Variants in POLR1D observed in about 807,000 individuals in gnomAD.
The protein encoded by POLR1D is RNA polymerase I and III subunit D, also known as DNA-directed RNA polymerases I and III subunit RPAC2.
In POLR1D, 8 loss-of-function variants were observed where a neutral mutation model predicts 10.8. The ratio of observed to expected loss-of-function variants is 0.74; its 90% confidence interval spans 0.43 to 1.33. POLR1D has a LOEUF of 1.33. Ranked by LOEUF, POLR1D falls within the 40% of genes most tolerant of loss-of-function variation. POLR1D has a pLI of 0.01. For synonymous variants in POLR1D, 54 were observed against 57.2 expected (o/e 0.94, Z 0.25); for missense variants, 152 against 161.7 (o/e 0.94, Z 0.32).
At chr13:27,649,255 G>A (rs1265925601) in intron 2 of POLR1D, among the ~76,000 whole-genome samples, 8 of 152,166 alleles carry the variant, frequency 5.3e-5, no homozygotes, top group Admixed American at 4.6e-4. Flanking sequence ...AGCTCATTTT[G>A]TAATTTTGAC....
At chr13:27,651,909 C>T (rs749323247) in intron 2 of POLR1D, among the ~76,000 whole-genome samples, 15 of 152,170 alleles carry the variant, frequency 9.9e-5, no homozygotes, top group Non-Finnish European at 1.9e-4. Context: ...CAGCATGGTT[C>T]CTGGCATGTA....
chr13:27,634,779 A>T (rs1381886195), intron 1 of POLR1D, among the ~76,000 whole-genome samples: 2 of 150,516 alleles, frequency 1.3e-5, no homozygotes, highest in African/African-American at 4.9e-5. Flanking sequence ...GGGCTCAAGC[A>T]GTCCTCCCAC....
At chr13:27,649,704 GA>G (rs1338845613) in intron 2 of POLR1D, among the ~76,000 whole-genome samples, 5 of 152,184 alleles carry the variant, frequency 3.3e-5, no homozygotes, top group Non-Finnish European at 5.9e-5. Flanking sequence ...GAGGGAGAGA[GA>G]AAAGCTTTTT....
At chr13:27,648,114 T>C (rs1298908216) in intron 1 of POLR1D, 7 of 299,830 alleles carry the variant, frequency 2.3e-5, no homozygotes, top group Middle Eastern at 1.1e-3. Flanking sequence ...ATAATTCTTA[T>C]ATTAAGGATA....
At chr13:27,644,970 CA>C (rs1232043665) in intron 1 of POLR1D, among the ~76,000 whole-genome samples, 1 of 152,176 alleles carries the variant, frequency 6.6e-6, no homozygotes, top group African/African-American at 2.4e-5. Flanking sequence ...GAGGAAACAA[CA>C]GAGGCTACAG....
intron 1 of POLR1D, among the ~76,000 whole-genome samples, chr13:27,641,483 A>G (rs2138546364): frequency 6.6e-6 from 1 of 152,346 alleles, no homozygotes; most frequent in East Asian, 1.9e-4. Context: ...GTCTTTCCAC[A>G]TTAATCCAAA....
At chr13:27,633,229 C>T (rs1956091025) in intron 1 of POLR1D, among the ~76,000 whole-genome samples, 1 of 152,136 alleles carries the variant, frequency 6.6e-6, no homozygotes, top group Admixed American at 6.6e-5. Flanking sequence ...AAGAATTGGG[C>T]ATGTTGTTTA....
Position 27,662,454 on chromosome 13 carries a change from A to G in POLR1D, c.102-3232A>G, listed in dbSNP as rs144662185. On this transcript the variant is annotated intron_variant, in intron 2 of 2. Coordinates refer to the POLR1D transcript ENST00000399697. ...ATATTAAATGGGATAAAGACTATATAAATAGCCCAAAGTCAGGTCAGATCA... is the reference window on the plus strand; with the variant it reads ...ATATTAAATGGGATAAAGACTATATGAATAGCCCAAAGTCAGGTCAGATCA... Among the ~76,000 whole-genome samples the G allele has an allele frequency of 4.6e-5, 7 of 152,288 alleles. No homozygotes were observed. In the East Asian group the frequency reaches 7.7e-4, roughly 17 times the overall value.
downstream of POLR1D, among the ~76,000 whole-genome samples, chr13:27,627,727 GT>G (rs57621806): frequency 0.07 from 6,643 of 95,256 alleles, 108 homozygotes; most frequent in African/African-American, 0.1. Flanking sequence ...TAAAGTTTTA[GT>G]TTTTTTTTTT....
At chr13:27,658,464 C>T (rs1956328705) in intron 2 of POLR1D, among the ~76,000 whole-genome samples, 1 of 149,324 alleles carries the variant, frequency 6.7e-6, no homozygotes, top group South Asian at 2.1e-4. Flanking sequence ...CACTAGTGGC[C>T]ATGGCCTGTT....
At chr13:27,648,597 C>A (rs1347685795) in intron 2 of POLR1D, 2 of 605,086 alleles carry the variant, frequency 3.3e-6, no homozygotes, top group East Asian at 3.1e-5. Context: ...GAGTAAGACA[C>A]TGCTGAGAAC....
chr13:27,642,633 TCTTAA>T (rs201757582), intron 1 of POLR1D, among the ~76,000 whole-genome samples: 2,152 of 152,220 alleles, frequency 0.014, 43 homozygotes, highest in African/African-American at 0.047. Context: ...ATTCCCCAGA[TCTTAA>T]CTTAACCATG....
At chr13:27,651,272 C>T (rs1048919593) in intron 2 of POLR1D, 1 of 152,062 alleles carries the variant, frequency 6.6e-6, no homozygotes, top group African/African-American at 2.4e-5. Flanking sequence ...AACCCAGTTT[C>T]TTTAACAAAT....
upstream of POLR1D, chr13:27,621,043 G>A (rs1424990992): frequency 6.5e-6 from 1 of 153,274 alleles, no homozygotes; most frequent in African/African-American, 2.4e-5. Flanking sequence ...GCGCACCTGA[G>A]GGAGCACAGC....
At chr13:27,634,905 G>C (rs564013596) in intron 1 of POLR1D, among the ~76,000 whole-genome samples, 17 of 152,068 alleles carry the variant, frequency 1.1e-4, no homozygotes, top group Admixed American at 1.3e-4. Context: ...GAACTCCTGA[G>C]CTCAACCTAT....
chr13:27,647,731 ATATT>A (rs1956233114), intron 1 of POLR1D, among the ~76,000 whole-genome samples: 1 of 152,142 alleles, frequency 6.6e-6, no homozygotes. Flanking sequence ...TTATCAGTAA[ATATT>A]TAAGTTTTCT....
At chr13:27,649,432 A>G (rs376730731) in intron 2 of POLR1D, among the ~76,000 whole-genome samples, 3 of 152,212 alleles carry the variant, frequency 2.0e-5, no homozygotes, top group South Asian at 2.1e-4. Context: ...ATTTGACTAT[A>G]TTTCCAAAAG....
downstream of POLR1D, among the ~76,000 whole-genome samples, chr13:27,625,229 G>T (rs1955996726): frequency 1.3e-5 from 2 of 152,152 alleles, no homozygotes; most frequent in Non-Finnish European, 2.9e-5. Context: ...TGGATTTTAG[G>T]TTCAGTGGGA....
At chr13:27,630,940 G>T (rs475916) in intron 1 of POLR1D, among the ~76,000 whole-genome samples, 128,225 of 152,108 alleles carry the variant, frequency 0.84, 54,575 homozygotes, top group East Asian at 0.94. Flanking sequence ...TCACTTTTAT[G>T]CATATAAGCC....
Sources: allele counts gnomAD v4.1 joint callset (sites outside exome capture counted in the v4.1 genomes callset), GRCh38; gene constraint gnomAD v4.1.1; transcripts MANE v1.5; gene names NCBI Gene and HGNC (gene_info 2026-07-23, HGNC 2026-07-21).